AKAP12: variants seen among roughly 807,000 people sequenced by gnomAD.
The protein encoded by AKAP12 is A-kinase anchoring protein 12.
In AKAP12, 32 loss-of-function variants were observed where a neutral mutation model predicts 79.9. That is an observed-to-expected ratio of 0.40 (90% CI 0.30 to 0.54). AKAP12 has a LOEUF of 0.54. AKAP12 is among the 20% of genes least tolerant of loss of function. AKAP12 has a pLI of 0.48. For missense variants in AKAP12, 2,074 were observed against 2,177.0 expected (o/e 0.95, Z 0.94); for synonymous variants, 808 against 857.0 (o/e 0.94, Z 1.00).
intron 2 of AKAP12, among the ~76,000 whole-genome samples, chr6:151,252,760 G>GA (rs1358131211): frequency 7.6e-5 from 11 of 145,068 alleles, no homozygotes. Context: ...AAAAAGATGA[G>GA]AAAACGAGAT....
intron 3 of AKAP12, among the ~76,000 whole-genome samples, chr6:151,336,289 T>C (rs1395932128): frequency 6.6e-6 from 1 of 152,216 alleles, no homozygotes; most frequent in African/African-American, 2.4e-5. Context: ...TGCCAAATAA[T>C]GGGATTGCTG....
At chr6:151,289,745 G>T (rs1562723265) in intron 2 of AKAP12, among the ~76,000 whole-genome samples, 1 of 152,360 alleles carries the variant, frequency 6.6e-6, no homozygotes, top group East Asian at 1.9e-4. Context: ...GTAAGAAAAA[G>T]AAGCACAGGG....
At chr6:151,296,737 ACTGCACTCTAGC>A (rs1295360750) in intron 2 of AKAP12, among the ~76,000 whole-genome samples, 133 of 152,314 alleles carry the variant, frequency 8.7e-4, no homozygotes, top group African/African-American at 2.9e-3. Flanking sequence ...AGATCACGCC[ACTGCACTCTAGC>A]CTGCACTCTA....
intron 2 of AKAP12, among the ~76,000 whole-genome samples, chr6:151,257,879 G>A (rs57876734): frequency 0.011 from 1,601 of 152,314 alleles, 27 homozygotes; most frequent in African/African-American, 0.037. Context: ...AGTAGAAAAT[G>A]AGGATAAGTA....
At chr6:151,275,561 ATT>A (rs975136625) in intron 2 of AKAP12, among the ~76,000 whole-genome samples, 2 of 152,184 alleles carry the variant, frequency 1.3e-5, no homozygotes, top group African/African-American at 4.8e-5. Flanking sequence ...TCATGTTCGT[ATT>A]TTGTTGTAGA....
chr6:151,266,732 G>A (rs187764680), intron 2 of AKAP12, among the ~76,000 whole-genome samples: 2 of 152,172 alleles, frequency 1.3e-5, no homozygotes, highest in Non-Finnish European at 2.9e-5. Context: ...GATCAGTTCA[G>A]TGAATCATGT....
In AKAP12 at chr6:151,353,699, CAAGA is replaced by C. The variant is rs1778364374; in HGVS notation, c.5309_5312del (p.Gln1770ArgfsTer18). ...CCAAGCACAGGAGGAGTTACAGAAA[CAAGA>C]GAGAGAATCTGCAAAGTCAGAACTT... On this transcript the variant is annotated frameshift_variant, in exon 4 of 5. Transcript: ENST00000402676. LOFTEE classifies it low-confidence loss of function (END_TRUNC). 16 of 1,605,318 alleles carry C rather than the reference CAAGA, an allele frequency of 1.0e-5. No individual in the cohort carries two copies. The Middle Eastern group carries it at 1.5e-3, about 150-fold the overall frequency.
chr6:151,246,636 C>T (rs1055557703), intron 2 of AKAP12, among the ~76,000 whole-genome samples: 4 of 152,134 alleles, frequency 2.6e-5, no homozygotes, highest in South Asian at 2.1e-4. Context: ...TTGAATGCCT[C>T]ATCATGTTTC....
At chr6:151,347,796 G>C (rs1329567538) in intron 3 of AKAP12, among the ~76,000 whole-genome samples, 1 of 152,090 alleles carries the variant, frequency 6.6e-6, no homozygotes. Flanking sequence ...CAGCACTTTG[G>C]GAGGCCGAGG....
At chr6:151,323,642 C>A in intron 3 of AKAP12, 1 of 916,114 alleles carries the variant, frequency 1.1e-6, no homozygotes, top group Non-Finnish European at 1.3e-6. Flanking sequence ...AACAGCAGTA[C>A]AGTGACCTTT....
chr6:151,302,377 C>T (rs1776881459), intron 2 of AKAP12, among the ~76,000 whole-genome samples: 1 of 152,100 alleles, frequency 6.6e-6, no homozygotes, highest in Admixed American at 6.6e-5. Context: ...CCAGGCTGGC[C>T]TCAAACTTTT....
intron 3 of AKAP12, among the ~76,000 whole-genome samples, chr6:151,320,933 T>C (rs749028450): frequency 2.0e-5 from 3 of 152,144 alleles, no homozygotes; most frequent in Non-Finnish European, 2.9e-5. Flanking sequence ...TTTGCTATAT[T>C]CACAGAGTTG....
intron 4 of AKAP12, among the ~76,000 whole-genome samples, chr6:151,354,258 C>A (rs565246801): frequency 2.8e-4 from 43 of 151,442 alleles, no homozygotes; most frequent in Admixed American, 2.3e-3. Flanking sequence ...ATTTTTTTTC[C>A]CCTAGCAGTA....
intron 3 of AKAP12, among the ~76,000 whole-genome samples, chr6:151,344,859 T>C (rs1017191821): frequency 6.6e-6 from 1 of 152,010 alleles, no homozygotes; most frequent in South Asian, 2.1e-4. Flanking sequence ...CTTTCTGGGG[T>C]TCAGTTTCAA....
chr6:151,250,102 G>A (rs770646124), intron 2 of AKAP12, among the ~76,000 whole-genome samples: 6 of 152,290 alleles, frequency 3.9e-5, no homozygotes, highest in South Asian at 2.1e-4. Flanking sequence ...AAAATTAGCC[G>A]GGTGTGGTGG....
At chr6:151,287,380 C>A (rs1323133913) in intron 2 of AKAP12, among the ~76,000 whole-genome samples, 2 of 152,088 alleles carry the variant, frequency 1.3e-5, no homozygotes, top group Admixed American at 1.3e-4. Context: ...CCCACCTTAG[C>A]CTCCTGAGTA....
chr6:151,268,309 T>C (rs1776096946), intron 2 of AKAP12, among the ~76,000 whole-genome samples: 1 of 151,950 alleles, frequency 6.6e-6, no homozygotes, highest in Non-Finnish European at 1.5e-5. Context: ...CCCAGCTACT[T>C]GGGAGGCTGA....
chr6:151,291,462 T>C (rs1209354194), intron 2 of AKAP12, among the ~76,000 whole-genome samples: 1 of 152,154 alleles, frequency 6.6e-6, no homozygotes, highest in African/African-American at 2.4e-5. Flanking sequence ...AGAAGGGGTC[T>C]TACCATTGCC....
chr6:151,310,962 C>T (rs1777086002), intron 3 of AKAP12, among the ~76,000 whole-genome samples: 1 of 152,106 alleles, frequency 6.6e-6, no homozygotes, highest in Non-Finnish European at 1.5e-5. Flanking sequence ...CAATCTTTTC[C>T]TTAGCTTTAG....
Sources: gnomAD v4.1 joint callset for allele counts (sites outside exome capture counted in the v4.1 genomes callset) on GRCh38, gnomAD v4.1.1 for gene constraint, MANE v1.5 for transcripts, NCBI Gene and HGNC (gene_info 2026-07-23, HGNC 2026-07-21) for gene names.